The following USH2A variants were observed in gnomAD, a reference collection of about 807,000 sequenced individuals.
USH2A encodes usherin, also known as Usher syndrome 2A (autosomal recessive, mild).
In USH2A, 443 loss-of-function variants were observed where a neutral mutation model predicts 538.9. The ratio of observed to expected loss-of-function variants is 0.82; its 90% CI spans 0.76 to 0.89. USH2A has a LOEUF of 0.89. USH2A is among the 40% of genes least tolerant of loss of function. USH2A has a pLI of 0.00. For missense variants in USH2A, 6,633 were observed against 6,324.8 expected (o/e 1.05, Z -1.65); for synonymous variants, 2,413 against 2,273.5 (o/e 1.06, Z -1.75).
intron 4 of USH2A, among the ~76,000 whole-genome samples, chr1:216,329,646 C>T (rs920739708): frequency 2.6e-5 from 4 of 151,964 alleles, no homozygotes; most frequent in Non-Finnish European, 5.9e-5. Flanking sequence ...TTTTTAATGC[C>T]CCACAACCTT....
chr1:216,046,312 C>T, intron 32 of USH2A, 119 bp downstream of exon 32: 11 of 1,069,768 alleles, frequency 1.0e-5, no homozygotes, highest in Admixed American at 4.2e-5. Flanking sequence ...CACATATTTC[C>T]TAAGCATTCT....
chr1:215,876,759 G>A (rs777593790), intron 43 of USH2A, among the ~76,000 whole-genome samples: 10 of 152,294 alleles, frequency 6.6e-5, no homozygotes, highest in East Asian at 1.9e-4. Flanking sequence ...AGGCTAAGAC[G>A]TGGCAGATGA....
At chr1:216,404,436 G>A (rs1474581412) in intron 3 of USH2A, among the ~76,000 whole-genome samples, 2 of 151,800 alleles carry the variant, frequency 1.3e-5, no homozygotes, top group Non-Finnish European at 2.9e-5. Flanking sequence ...ATTGGTGGAA[G>A]GATATACATA....
chr1:216,363,193 A>G (rs2038529797), intron 4 of USH2A, among the ~76,000 whole-genome samples: 2 of 152,148 alleles, frequency 1.3e-5, no homozygotes, highest in African/African-American at 2.4e-5. Flanking sequence ...GAGAAAATAT[A>G]GTTTATATAC....
intron 4 of USH2A, among the ~76,000 whole-genome samples, chr1:216,334,506 G>A (rs753483155): frequency 7.2e-5 from 11 of 151,850 alleles, no homozygotes; most frequent in Non-Finnish European, 1.5e-4. Context: ...AATGGCTTAA[G>A]CACTTCAATC....
chr1:215,790,242 A>G lies in USH2A; in HGVS notation c.9999T>C (p.Asp3333=). 6.2e-7 allele frequency: 1 copy of G among 1,614,112 alleles called. No individual in the cohort carries two copies. Among genetic ancestry groups the G allele is most frequent in the Non-Finnish European group, 8.5e-7 (1 of 1,180,014 alleles). ...CACTGGAAGCTGAGCAGCATATGGT[A>G]TCTGACATATTCACATAATCCTGCC... is the stretch of plus-strand genomic sequence containing the variant. ...CCGQDYVNMS[D]TICCSASSGE... is the part of the protein sequence containing the mutation. The change falls in exon 51 of 72, where the codon GAT becomes GAC. Residue 3333 remains aspartate (D), a synonymous_variant. Coordinates refer to ENST00000307340, the MANE Select transcript of USH2A (RefSeq NM_206933.4).
intron 35 of USH2A, among the ~76,000 whole-genome samples, chr1:215,977,561 C>T (rs1366572449): frequency 2.0e-5 from 3 of 152,048 alleles, no homozygotes; most frequent in Non-Finnish European, 4.4e-5. Context: ...GGCTGGAGTA[C>T]AGTGGCATGA....
intron 21 of USH2A, among the ~76,000 whole-genome samples, chr1:216,114,478 T>G (rs2032954260): frequency 6.6e-6 from 1 of 152,162 alleles, no homozygotes; most frequent in African/African-American, 2.4e-5. Context: ...ACTCTTGGTT[T>G]GTCCACTTAT....
intron 4 of USH2A, among the ~76,000 whole-genome samples, chr1:216,336,205 C>CT (rs2037971445): frequency 6.6e-6 from 1 of 151,368 alleles, no homozygotes; most frequent in African/African-American, 2.4e-5. Context: ...AAAGTTAACA[C>CT]TTCATGATAA....
intron 32 of USH2A, among the ~76,000 whole-genome samples, chr1:216,040,801 A>G (rs947574155): frequency 6.6e-6 from 1 of 152,022 alleles, no homozygotes; most frequent in Non-Finnish European, 1.5e-5. Flanking sequence ...TAAGCTTTAA[A>G]GTACAATTGT....
At chr1:216,298,579 C>T (rs1253310184) in intron 9 of USH2A, among the ~76,000 whole-genome samples, 1 of 152,064 alleles carries the variant, frequency 6.6e-6, no homozygotes, top group Non-Finnish European at 1.5e-5. Context: ...AAATGGCTGG[C>T]CTTTCTTTTG....
intron 3 of USH2A, among the ~76,000 whole-genome samples, chr1:216,377,392 T>C (rs2038841844): frequency 6.6e-6 from 1 of 152,142 alleles, no homozygotes; most frequent in South Asian, 2.1e-4. Flanking sequence ...TAATTTAAGG[T>C]AAGAATATAT....
chr1:215,924,504 T>C (rs966146432), intron 38 of USH2A, among the ~76,000 whole-genome samples: 2 of 152,048 alleles, frequency 1.3e-5, no homozygotes, highest in African/African-American at 4.8e-5. Flanking sequence ...AGGAACAAGA[T>C]ATTATTTTAA....
intron 38 of USH2A, among the ~76,000 whole-genome samples, chr1:215,903,661 T>G (rs1302715202): frequency 6.6e-6 from 1 of 152,070 alleles, no homozygotes; most frequent in Admixed American, 6.6e-5. Flanking sequence ...CAGATGAAGA[T>G]GTAGAGCAGT....
At chr1:216,267,442 A>G (rs1257097799) in intron 11 of USH2A, among the ~76,000 whole-genome samples, 2 of 152,174 alleles carry the variant, frequency 1.3e-5, no homozygotes, top group Non-Finnish European at 2.9e-5. Flanking sequence ...GCAGGACATG[A>G]GACCATCGCC....
intron 58 of USH2A, among the ~76,000 whole-genome samples, chr1:215,752,116 T>C (rs1275808914): frequency 6.6e-6 from 1 of 152,152 alleles, no homozygotes; most frequent in Non-Finnish European, 1.5e-5. Context: ...TGTGTATGTC[T>C]CTGTTTAAGA....
chr1:215,875,156 A>G (rs971652731), intron 43 of USH2A, among the ~76,000 whole-genome samples: 7 of 152,184 alleles, frequency 4.6e-5, no homozygotes, highest in Admixed American at 1.3e-4. Context: ...GTTTTCTCTC[A>G]TATTTGCAAG....
chr1:216,138,544 T>A (rs1246935570), intron 21 of USH2A, among the ~76,000 whole-genome samples: 1 of 152,186 alleles, frequency 6.6e-6, no homozygotes, highest in Non-Finnish European at 1.5e-5. Flanking sequence ...CTGTCTTTTA[T>A]TTTTCCTGGC....
rs1440613176 is a variant in USH2A at position 215,627,446 on chromosome 1, TTCC to T, written c.15519+1365_15519+1367del. ...CTTCCTTCCTTCCTTCCTTCCTTCC[TTCC>T]TTCCTTCCTTCCTTCCTTCCTTCCT... is the stretch of plus-strand genomic sequence containing the variant. On this transcript the variant is annotated intron_variant, in intron 71 of 71. Transcript: ENST00000307340. Among the ~76,000 whole-genome samples, 26 of 131,100 alleles carry T rather than the reference TTCC, an allele frequency of 2.0e-4. 1 individual carries two copies. The highest frequency in any genetic ancestry group is 5.4e-4 in the South Asian group (2 of 3,726). The allele number at this position is 131,100 out of a possible 152,430, so 86.0% of individuals were successfully genotyped here.
Sources: allele counts gnomAD v4.1 joint callset (sites outside exome capture counted in the v4.1 genomes callset), GRCh38; gene constraint gnomAD v4.1.1; transcripts MANE v1.5; gene names NCBI Gene and HGNC (gene_info 2026-07-23, HGNC 2026-07-21).